Variants in KAT2B observed in about 807,000 individuals in gnomAD.
KAT2B encodes histone acetyltransferase KAT2B.
KAT2B carries 36 observed loss-of-function variants against 105.9 expected under a neutral mutation model. That is an observed-to-expected ratio of 0.34 (90% CI 0.26 to 0.45). The LOEUF is 0.45. Ranked by LOEUF, KAT2B falls within the 20% of genes least tolerant of loss-of-function variation. The pLI, the probability that KAT2B is intolerant of heterozygous loss-of-function variation, is 1.00. For synonymous variants in KAT2B, 397 were observed against 377.9 expected, an observed-to-expected ratio of 1.05 and a Z score of -0.59; for missense variants, 820 against 1,021.6, an observed-to-expected ratio of 0.80 and a Z score of 2.69.
Position 20,152,256 on chromosome 3 carries a change from C to T in KAT2B, c.2306-76C>T, listed in dbSNP as rs80073203. ...TGTAATCAAACCAACAACATAGATTCCTTTCCCAGTCCCAGTTTTGTCAGC... is the reference window on the plus strand; with the variant it reads ...TGTAATCAAACCAACAACATAGATTTCTTTCCCAGTCCCAGTTTTGTCAGC... On this transcript the variant is annotated intron_variant, in intron 17 of 17. Coordinates refer to ENST00000263754, the MANE Select transcript of KAT2B (RefSeq NM_003884.5). 2.7e-3 allele frequency: 2,612 copies of T among 953,108 alleles called. 53 individuals carry two copies. The African/African-American group carries it at 0.038, about 14-fold the overall frequency. 59.0% of individuals were successfully genotyped at this position (953,108 alleles called of 1,614,324 possible). A position where few individuals can be genotyped will look rare whatever the true frequency, so the allele number is the denominator to read the frequency against.
chr3:20,119,460 G>T, intron 7 of KAT2B, 138 bp from the exon 8 acceptor site: 1 of 741,878 alleles, frequency 1.3e-6, no homozygotes, highest in Non-Finnish European at 2.3e-6. Context: ...CTATTTTGAT[G>T]CCTTGTGGCT....
intron 1 of KAT2B, among the ~76,000 whole-genome samples, chr3:20,067,301 C>T (rs565954251): frequency 2.6e-5 from 4 of 152,082 alleles, no homozygotes; most frequent in Admixed American, 6.5e-5. Flanking sequence ...GGTTTCAACA[C>T]GTGCGGTTAA....
intron 1 of KAT2B, among the ~76,000 whole-genome samples, chr3:20,047,148 C>G (rs1408955158): frequency 4.0e-5 from 6 of 148,908 alleles, no homozygotes; most frequent in African/African-American, 1.5e-4. Context: ...GTGCAGTGGG[C>G]TCAGGTGGTC....
intron 1 of KAT2B, among the ~76,000 whole-genome samples, chr3:20,044,083 A>G (rs1206295052): frequency 2.6e-5 from 4 of 151,398 alleles, no homozygotes; most frequent in Admixed American, 2.6e-4. Flanking sequence ...AAAAAAAAAG[A>G]AAAAAGAAAA....
intron 7 of KAT2B, among the ~76,000 whole-genome samples, chr3:20,115,780 T>C (rs1454933405): frequency 6.6e-6 from 1 of 152,186 alleles, no homozygotes; most frequent in East Asian, 1.9e-4. Context: ...GCATTCATAG[T>C]CCTACCTCCA....
chr3:20,046,614 T>C (rs1486862653), intron 1 of KAT2B, among the ~76,000 whole-genome samples: 1 of 152,120 alleles, frequency 6.6e-6, no homozygotes, highest in Non-Finnish European at 1.5e-5. Context: ...GGTTGTAGAA[T>C]ATACAGAGAG....
At chr3:20,103,158 A>G (rs891384369) in intron 5 of KAT2B, among the ~76,000 whole-genome samples, 1 of 152,158 alleles carries the variant, frequency 6.6e-6, no homozygotes, top group Non-Finnish European at 1.5e-5. Flanking sequence ...TACATTAACA[A>G]TAGTTCTGTA....
At chr3:20,105,791 AC>A (rs1189246957) in intron 5 of KAT2B, among the ~76,000 whole-genome samples, 1 of 129,132 alleles carries the variant, frequency 7.7e-6, no homozygotes, top group Middle Eastern at 3.7e-3. Context: ...ACAGAGCACG[AC>A]CCTGTCTGAA....
chr3:20,066,939 A>G (rs770616447), intron 1 of KAT2B, among the ~76,000 whole-genome samples: 4 of 152,038 alleles, frequency 2.6e-5, no homozygotes, highest in African/African-American at 9.7e-5. Flanking sequence ...ACACATCTCA[A>G]TTTTTATTGC....
chr3:20,079,146 C>G (rs1698473998), intron 2 of KAT2B, among the ~76,000 whole-genome samples: 1 of 151,236 alleles, frequency 6.6e-6, no homozygotes, highest in South Asian at 2.1e-4. Flanking sequence ...GGTGATCCAC[C>G]CGCCTCGGCC....
chr3:20,091,697 T>C (rs781249434), intron 2 of KAT2B, among the ~76,000 whole-genome samples: 13 of 152,192 alleles, frequency 8.5e-5, no homozygotes, highest in African/African-American at 1.2e-4. Context: ...TATTTCCACT[T>C]CTGTTTGTCT....
chr3:20,049,901 T>G (rs1697885161), intron 1 of KAT2B, among the ~76,000 whole-genome samples: 1 of 152,080 alleles, frequency 6.6e-6, no homozygotes, highest in Non-Finnish European at 1.5e-5. Flanking sequence ...TTGACTGTCT[T>G]GAAAGTTTAG....
At chr3:20,121,760 G>A (rs1699314541) in intron 8 of KAT2B, among the ~76,000 whole-genome samples, 1 of 149,966 alleles carries the variant, frequency 6.7e-6, no homozygotes, top group African/African-American at 2.5e-5. Flanking sequence ...GTGTGTGTGT[G>A]TGTGTGTGTG....
At chr3:20,069,308 G>A (rs1698277106) in intron 1 of KAT2B, among the ~76,000 whole-genome samples, 1 of 152,122 alleles carries the variant, frequency 6.6e-6, no homozygotes, top group Non-Finnish European at 1.5e-5. Flanking sequence ...AGGCAAGTAT[G>A]TGGGGAAACC....
chr3:20,054,596 G>T (rs1336341892), intron 1 of KAT2B, among the ~76,000 whole-genome samples: 1 of 152,178 alleles, frequency 6.6e-6, no homozygotes, highest in Non-Finnish European at 1.5e-5. Context: ...CCCATGCGTT[G>T]TGTACTCTTG....
chr3:20,144,602 C>CT (rs200001128), intron 13 of KAT2B, among the ~76,000 whole-genome samples: 13,642 of 143,022 alleles, frequency 0.095, 704 homozygotes, highest in East Asian at 0.2. Context: ...TTTCTTTTTT[C>CT]TTTTTTTTTT....
chr3:20,149,017 CTT>C (rs1429355365), intron 17 of KAT2B: 1 of 152,476 alleles, frequency 6.6e-6, no homozygotes, highest in Non-Finnish European at 1.5e-5. Context: ...TGTATATACT[CTT>C]TATTTTACGC....
intron 5 of KAT2B, among the ~76,000 whole-genome samples, chr3:20,111,013 C>CT (rs1298034545): frequency 1.3e-5 from 2 of 152,178 alleles, no homozygotes; most frequent in African/African-American, 2.4e-5. Flanking sequence ...CCCACCAAAC[C>CT]TCCGATAAGT....
intron 11 of KAT2B, among the ~76,000 whole-genome samples, chr3:20,132,787 A>G (rs1239465167): frequency 2.0e-5 from 3 of 152,212 alleles, no homozygotes; most frequent in Non-Finnish European, 1.5e-5. Flanking sequence ...TTGAGAAGCT[A>G]TTTACCAAAG....
Sources: gnomAD v4.1 joint callset for allele counts (sites outside exome capture counted in the v4.1 genomes callset) on GRCh38, gnomAD v4.1.1 for gene constraint, MANE v1.5 for transcripts, NCBI Gene and HGNC (gene_info 2026-07-23, HGNC 2026-07-21) for gene names.